Variants in GUCD1 observed in about 807,000 individuals in gnomAD.
The protein encoded by GUCD1 is guanylyl cyclase domain containing 1.
Under a neutral mutation model 28.3 loss-of-function variants are expected in GUCD1, and 17 were observed. That is an observed-to-expected ratio of 0.60 (90% CI 0.41 to 0.90). The LOEUF is 0.90. Among genes scored for constraint, GUCD1 ranks in the 40% least tolerant of loss-of-function variants. GUCD1 has a pLI of 0.00. For synonymous variants in GUCD1, 129 were observed against 123.3 expected (o/e 1.05, Z -0.30); for missense variants, 279 against 305.5 (o/e 0.91, Z 0.65).
upstream of GUCD1, chr22:24,555,144 G>A (rs2045013829): frequency 1.5e-6 from 2 of 1,303,852 alleles, no homozygotes; most frequent in Non-Finnish European, 9.7e-7. Flanking sequence ...CGGCTGGGCC[G>A]CCCCAAGCGC....
chr22:24,549,733 T>C (rs974162550), intron 1 of GUCD1, among the ~76,000 whole-genome samples: 5 of 152,312 alleles, frequency 3.3e-5, no homozygotes, highest in African/African-American at 1.2e-4. Flanking sequence ...CATGGTTCCA[T>C]GGCTGGTCTC....
At chr22:24,552,413 T>C (rs535207333) in intron 1 of GUCD1, among the ~76,000 whole-genome samples, 1 of 152,368 alleles carries the variant, frequency 6.6e-6, no homozygotes, top group South Asian at 2.1e-4. Flanking sequence ...TCTTGTTCAC[T>C]GTTATTCTCA....
At chr22:24,547,131 AG>A (rs2044748528) in intron 3 of GUCD1, 126 bp from the exon 4 acceptor site, 1 of 719,456 alleles carries the variant, frequency 1.4e-6, no homozygotes, top group Non-Finnish European at 2.5e-6. Flanking sequence ...CCCACCTGCC[AG>A]GGCAGACGGT....
intron 3 of GUCD1, chr22:24,547,234 G>C (rs2044750999): frequency 7.8e-6 from 4 of 512,338 alleles, no homozygotes; most frequent in Non-Finnish European, 1.4e-5. Flanking sequence ...GCTTGAGAGA[G>C]GGGTGGGCAG....
intron 2 of GUCD1, 24 bp from the exon 3 acceptor site, chr22:24,548,097 C>T (rs370646090): frequency 3.7e-6 from 6 of 1,608,932 alleles, no homozygotes; most frequent in Non-Finnish European, 5.1e-6. Context: ...AGCTGGGGAG[C>T]TCAGCTTGGT....
chr22:24,544,979 G>A (rs1013591397), intron 4 of GUCD1, among the ~76,000 whole-genome samples: 36 of 151,350 alleles, frequency 2.4e-4, no homozygotes, highest in African/African-American at 8.0e-4. Context: ...GCAATATTGC[G>A]CCACAGCACT....
upstream of GUCD1, chr22:24,555,192 G>A: frequency 4.3e-6 from 3 of 702,644 alleles, no homozygotes; most frequent in Non-Finnish European, 4.0e-6. Flanking sequence ...TGGAGGCCCC[G>A]CCCCCTCCTT....
chr22:24,548,897 C>T lies in GUCD1; in HGVS notation c.128+20G>A, dbSNP rs367688728. 5 of 1,544,508 alleles carry T rather than the reference C, an allele frequency of 3.2e-6. No individual in the cohort carries two copies. In the African/African-American group the frequency reaches 6.8e-5, roughly 21 times the overall value. Reference sequence around the variant, plus strand: ...ATGTAGATGGGAAGCACCTGGGCCCCCAGCCCTGGCCCCACTCACCGCAGC... The same window carrying T: ...ATGTAGATGGGAAGCACCTGGGCCCTCAGCCCTGGCCCCACTCACCGCAGC... On this transcript the variant is annotated intron_variant, in intron 2 of 5. Coordinates refer to ENST00000435822, the MANE Select transcript of GUCD1 (RefSeq NM_001284254.2).
chr22:24,546,036 A>G (rs2044717876), intron 4 of GUCD1, among the ~76,000 whole-genome samples: 1 of 151,138 alleles, frequency 6.6e-6, no homozygotes, highest in South Asian at 2.1e-4. Flanking sequence ...ATCTCGGCTC[A>G]CTGCAAGCTC....
At position 24,540,499 on chromosome 22, in the gene GUCD1, C is replaced by G. The variant is rs2044565365; in HGVS notation, c.*2507G>C. 1 of 152,218 alleles carries G rather than the reference C, an allele frequency of 6.6e-6. No individual in the cohort carries two copies. The highest frequency in any genetic ancestry group is 2.4e-5 in the African/African-American group (1 of 41,442). The allele number at this position is 152,218 out of a possible 1,614,324, so 9.4% of individuals were successfully genotyped here. A position where few individuals can be genotyped will look rare whatever the true frequency, so the allele number is the denominator to read the frequency against. On this transcript the variant is annotated 3_prime_UTR_variant, in exon 6 of 6. Coordinates refer to ENST00000435822, the MANE Select transcript of GUCD1 (RefSeq NM_001284254.2). ...ATTACAAACAAAATATATATAAAAT[C>G]TCTGCAATGCAAAAGATCCCTTTCA...
intron 1 of GUCD1, among the ~76,000 whole-genome samples, chr22:24,553,382 G>A (rs909502217): frequency 6.6e-6 from 1 of 152,184 alleles, no homozygotes; most frequent in East Asian, 1.9e-4. Flanking sequence ...CCTCAATATG[G>A]AGTCCTTAAA....
chr22:24,549,551 G>C (rs541811538), intron 1 of GUCD1, among the ~76,000 whole-genome samples: 2 of 152,040 alleles, frequency 1.3e-5, no homozygotes, highest in African/African-American at 4.8e-5. Flanking sequence ...TTGCTCTGTC[G>C]CACAGGCTGG....
upstream of GUCD1, chr22:24,555,238 A>C (rs760512952): frequency 9.8e-5 from 123 of 1,260,510 alleles, no homozygotes; most frequent in Non-Finnish European, 1.1e-4. Flanking sequence ...AGAGGTCCCC[A>C]GCCTCTTGAT....
rs960894230 is a variant in GUCD1 at position 24,543,087 on chromosome 22, G to C, written c.639C>G (p.Ser213Arg). The C allele has an allele frequency of 6.2e-7, 1 of 1,613,718 alleles. No individual in the cohort carries two copies. The highest frequency in any genetic ancestry group is 1.1e-5 in the South Asian group (1 of 91,078). The change falls in exon 6 of 6, where the codon AGC becomes AGG. Residue 213 changes from serine to arginine, a missense_variant. By Grantham distance (110) the Ser-to-Arg change is moderately radical (BLOSUM62 -1). Transcript: ENST00000435822. Reference sequence around the variant, plus strand: ...CCTCCTCAAAGTTACTGATGCTGGTGCTGCACATTCCTGCTGGGGGTGGGG... The same window carrying C: ...CCTCCTCAAAGTTACTGATGCTGGTCCTGCACATTCCTGCTGGGGGTGGGG... ...NNPAYADRMC[S>R]TSISNFEEAR...
At chr22:24,547,226 T>C in intron 3 of GUCD1, 3 of 529,020 alleles carry the variant, frequency 5.7e-6, no homozygotes, top group Non-Finnish European at 1.0e-5. Flanking sequence ...AGGATGATGC[T>C]TGAGAGAGGG....
upstream of GUCD1, chr22:24,555,149 A>G: frequency 7.7e-7 from 1 of 1,304,574 alleles, no homozygotes; most frequent in Non-Finnish European, 9.7e-7. Flanking sequence ...GGGCCGCCCC[A>G]AGCGCCGCCC....
chr22:24,543,231 C>A (rs1436102562), intron 5 of GUCD1, 134 bp from the exon 6 acceptor site: 3 of 668,990 alleles, frequency 4.5e-6, no homozygotes, highest in Non-Finnish European at 8.1e-6. Context: ...CTCAAGTCCT[C>A]CACCCCCAGG....
chr22:24,546,809 C>G (rs1007971388), intron 4 of GUCD1, 105 bp downstream of exon 4: 4 of 1,042,016 alleles, frequency 3.8e-6, no homozygotes, highest in Non-Finnish European at 6.0e-6. Flanking sequence ...TGCCTGGCTC[C>G]AGAGTCCTAG....
intron 3 of GUCD1, chr22:24,547,567 G>C (rs138096711): frequency 3.3e-5 from 9 of 274,024 alleles, no homozygotes; most frequent in African/African-American, 1.9e-4. Flanking sequence ...GATGAGGTCA[G>C]TGATGTTCTC....
Sources: allele counts gnomAD v4.1 joint callset (sites outside exome capture counted in the v4.1 genomes callset), GRCh38; gene constraint gnomAD v4.1.1; transcripts MANE v1.5; gene names NCBI Gene and HGNC (gene_info 2026-07-23, HGNC 2026-07-21).